The following CSMD1 variants were observed in gnomAD, a reference collection of about 807,000 sequenced individuals.
CSMD1 encodes CUB and Sushi multiple domains 1.
A neutral mutation model predicts 417.5 loss-of-function variants in CSMD1; 213 were observed. The ratio of observed to expected loss-of-function variants is 0.51; its 90% CI spans 0.46 to 0.57. The LOEUF (loss-of-function observed/expected upper bound fraction) is 0.57, where lower values mean the gene tolerates loss of function less well. Among genes scored for constraint, CSMD1 ranks in the 20% least tolerant of loss-of-function variants. The pLI is 0.00. For synonymous variants in CSMD1, 2,862 were observed against 1,736.8 expected (o/e 1.65, Z -16.11); for missense variants, 6,923 against 4,529.7 (o/e 1.53, Z -15.17).
chr8:3,874,187 C>A (rs972457615), intron 5 of CSMD1, among the ~76,000 whole-genome samples: 5 of 152,118 alleles, frequency 3.3e-5, no homozygotes, highest in African/African-American at 7.2e-5. Flanking sequence ...ATCTAGTGTT[C>A]CACAGCCATG....
chr8:3,608,449 A>G lies in CSMD1; in HGVS notation c.1097+8261T>C, dbSNP rs1007494717. ...ATCTTTGAAATGTTCTTAAAAGGAT[A>G]GAAGAATTTGAAATTATATATTAAA... On this transcript the variant is annotated intron_variant, in intron 8 of 69. Transcript: ENST00000635120. Among the ~76,000 whole-genome samples the G allele has an allele frequency of 4.6e-5, 7 of 152,120 alleles. 1 individual carries two copies. The highest frequency in any genetic ancestry group is 4.6e-4 in the Admixed American group (7 of 15,274).
chr8:4,399,361 G>C (rs188271656), intron 3 of CSMD1, among the ~76,000 whole-genome samples: 4 of 152,266 alleles, frequency 2.6e-5, no homozygotes, highest in African/African-American at 9.6e-5. Context: ...CTAAATTACA[G>C]AATAAAATAA....
At chr8:4,383,260 T>C (rs755846975) in intron 3 of CSMD1, among the ~76,000 whole-genome samples, 4 of 152,184 alleles carry the variant, frequency 2.6e-5, no homozygotes, top group Non-Finnish European at 4.4e-5. Context: ...CATTGTCTAG[T>C]ACAGTTTGTA....
At chr8:3,243,871 A>G (rs1164038191) in intron 26 of CSMD1, among the ~76,000 whole-genome samples, 1 of 152,068 alleles carries the variant, frequency 6.6e-6, no homozygotes, top group East Asian at 1.9e-4. Flanking sequence ...GCTAAAACAA[A>G]GTTGGGGCCA....
intron 1 of CSMD1, among the ~76,000 whole-genome samples, chr8:4,772,890 G>A (rs1405081767): frequency 6.6e-6 from 1 of 152,086 alleles, no homozygotes; most frequent in Non-Finnish European, 1.5e-5. Context: ...TGTTATTAAT[G>A]ATGAATAACG....
chr8:3,980,928 C>A (rs559570556), intron 5 of CSMD1, among the ~76,000 whole-genome samples: 1 of 152,218 alleles, frequency 6.6e-6, no homozygotes, highest in Admixed American at 6.5e-5. Flanking sequence ...TAAAACATCC[C>A]GCCGTTCCCA....
At chr8:3,956,999 G>T (rs2129939704) in intron 5 of CSMD1, among the ~76,000 whole-genome samples, 1 of 151,520 alleles carries the variant, frequency 6.6e-6, no homozygotes, top group Non-Finnish European at 1.5e-5. Flanking sequence ...CCTAAAAAAT[G>T]AAACCCACAT....
intron 1 of CSMD1, among the ~76,000 whole-genome samples, chr8:4,802,887 T>G (rs544865835): frequency 1.4e-4 from 21 of 152,358 alleles, no homozygotes; most frequent in Non-Finnish European, 2.8e-4. Flanking sequence ...CATATCCGTG[T>G]GTTTTCAAAT....
intron 5 of CSMD1, among the ~76,000 whole-genome samples, chr8:3,886,556 A>T (rs781512157): frequency 6.6e-6 from 1 of 152,214 alleles, no homozygotes; most frequent in East Asian, 1.9e-4. Context: ...TTTAATGACG[A>T]AGCGTGGCTG....
chr8:4,442,797 T>A (rs751284942), intron 2 of CSMD1, among the ~76,000 whole-genome samples: 1 of 152,222 alleles, frequency 6.6e-6, no homozygotes, highest in Non-Finnish European at 1.5e-5. Context: ...TTACAATTTT[T>A]AAAATTTGAT....
intron 54 of CSMD1, among the ~76,000 whole-genome samples, chr8:2,989,797 T>C (rs1806220301): frequency 6.6e-6 from 1 of 152,232 alleles, no homozygotes. Context: ...GTTCAGTTAA[T>C]CTCTCATTCT....
chr8:3,663,310 A>G (rs939277625), intron 7 of CSMD1, among the ~76,000 whole-genome samples: 4 of 152,080 alleles, frequency 2.6e-5, no homozygotes, highest in African/African-American at 9.7e-5. Context: ...AGTAGAATAT[A>G]TTTTTCAGAG....
chr8:3,520,039 T>TATATATATATACACAC (rs545212684), intron 10 of CSMD1, among the ~76,000 whole-genome samples: 4 of 147,108 alleles, frequency 2.7e-5, no homozygotes, highest in South Asian at 2.1e-4. Flanking sequence ...TATATATATA[T>TATATATATATACACAC]ACACGTATAG....
chr8:3,125,099 T>A (rs1308711917), intron 41 of CSMD1, among the ~76,000 whole-genome samples: 2 of 152,262 alleles, frequency 1.3e-5, no homozygotes, highest in East Asian at 3.8e-4. Context: ...TTGGATTCAC[T>A]GTCACACTTC....
intron 11 of CSMD1, among the ~76,000 whole-genome samples, chr8:3,470,642 G>T (rs569566846): frequency 2.0e-5 from 3 of 151,924 alleles, no homozygotes; most frequent in Admixed American, 6.6e-5. Flanking sequence ...AAATTCTCTG[G>T]TGCTCTTCCC....
chr8:4,294,659 G>A (rs1333996606), intron 3 of CSMD1, among the ~76,000 whole-genome samples: 2 of 151,772 alleles, frequency 1.3e-5, no homozygotes, highest in African/African-American at 2.4e-5. Flanking sequence ...CATGTTTCTT[G>A]GTATTTTACA....
chr8:4,862,108 G>A (rs1802171049), intron 1 of CSMD1, among the ~76,000 whole-genome samples: 1 of 152,048 alleles, frequency 6.6e-6, no homozygotes, highest in South Asian at 2.1e-4. Flanking sequence ...GAAGGAAGGA[G>A]TGAGTCAGCT....
At chr8:3,999,371 C>T (rs1314683529) in intron 4 of CSMD1, among the ~76,000 whole-genome samples, 2 of 152,052 alleles carry the variant, frequency 1.3e-5, no homozygotes, top group African/African-American at 4.8e-5. Flanking sequence ...AAAATTATAC[C>T]GAAGTGAGAG....
In CSMD1 at chr8:3,437,717, C is replaced by A. The variant is rs528123648; in HGVS notation, c.1562-28112G>T. Among the ~76,000 whole-genome samples, 12 of 152,034 alleles carry A rather than the reference C, an allele frequency of 7.9e-5. No individual in the cohort carries two copies. The South Asian group carries it at 2.1e-3, about 26-fold the overall frequency. On this transcript the variant is annotated intron_variant, in intron 12 of 69. Coordinates refer to ENST00000635120, the MANE Select transcript of CSMD1 (RefSeq NM_033225.6). The stretch of plus-strand genomic sequence containing the variant: ...AGGAAGACAGAACACCCTGTTCCCA[C>A]CAAAGCCACTATAGATGCAGCTAAT...
Sources: allele counts gnomAD v4.1 joint callset (sites outside exome capture counted in the v4.1 genomes callset), GRCh38; gene constraint gnomAD v4.1.1; transcripts MANE v1.5; gene names NCBI Gene and HGNC (gene_info 2026-07-23, HGNC 2026-07-21).